Variants in PIAS2 observed in about 807,000 individuals in gnomAD.
PIAS2 encodes the protein E3 SUMO-protein ligase PIAS2.
In PIAS2, 19 loss-of-function variants were observed where a neutral mutation model predicts 69.7. That is an observed-to-expected ratio of 0.27 (90% CI 0.19 to 0.40). The LOEUF is 0.40. Ranked by LOEUF, PIAS2 falls within the 10% of genes least tolerant of loss-of-function variation. The pLI, the probability that PIAS2 is intolerant of heterozygous loss-of-function variation, is 1.00. For synonymous variants in PIAS2, 261 were observed against 263.2 expected, an observed-to-expected ratio of 0.99 and a Z score of 0.08; for missense variants, 624 against 757.0, an observed-to-expected ratio of 0.82 and a Z score of 2.06.
At chr18:46,833,266 T>C (rs1351342262) in intron 9 of PIAS2, among the ~76,000 whole-genome samples, 3 of 152,192 alleles carry the variant, frequency 2.0e-5, no homozygotes, top group Non-Finnish European at 4.4e-5. Context: ...ACAAGTATGT[T>C]GAGTAAAAGA....
chr18:46,860,546 A>AT (rs1273847753), intron 3 of PIAS2, among the ~76,000 whole-genome samples: 1 of 152,196 alleles, frequency 6.6e-6, no homozygotes, highest in Non-Finnish European at 1.5e-5. Context: ...GAGGTATATC[A>AT]AAAGGGCATA....
intron 11 of PIAS2, chr18:46,827,646 C>T (rs2043010580): frequency 4.6e-6 from 1 of 217,148 alleles, no homozygotes; most frequent in Non-Finnish European, 9.2e-6. Flanking sequence ...CAGTTCCACA[C>T]TCCATTACAC....
intron 8 of PIAS2, among the ~76,000 whole-genome samples, chr18:46,841,090 A>G (rs1267021965): frequency 6.6e-6 from 1 of 151,928 alleles, no homozygotes. Flanking sequence ...ACTGAAAATC[A>G]CTAGCTGAAA....
intron 1 of PIAS2, among the ~76,000 whole-genome samples, chr18:46,894,107 C>G (rs1037944357): frequency 3.9e-5 from 6 of 152,148 alleles, no homozygotes; most frequent in Non-Finnish European, 5.9e-5. Context: ...ACCTGGGCGA[C>G]AGAGTGAGAC....
intron 9 of PIAS2, among the ~76,000 whole-genome samples, chr18:46,830,993 A>C (rs1247912219): frequency 3.3e-5 from 5 of 152,190 alleles, no homozygotes; most frequent in African/African-American, 7.2e-5. Context: ...TCATTCCCAC[A>C]ATACAAGATT....
At chr18:46,867,414 A>G (rs922700617) in intron 2 of PIAS2, among the ~76,000 whole-genome samples, 2 of 152,256 alleles carry the variant, frequency 1.3e-5, no homozygotes, top group South Asian at 2.1e-4. Flanking sequence ...AGCCAAAAGC[A>G]TACCAAACTT....
chr18:46,899,998 A>C (rs985512359), intron 1 of PIAS2, among the ~76,000 whole-genome samples: 1 of 152,184 alleles, frequency 6.6e-6, no homozygotes, highest in African/African-American at 2.4e-5. Context: ...TGGGAGGCCA[A>C]GTGGGCAGAT....
intron 11 of PIAS2, chr18:46,827,258 A>AACCTCTCTG (rs1224492969): frequency 6.6e-6 from 1 of 152,130 alleles, no homozygotes; most frequent in Non-Finnish European, 1.5e-5. Context: ...TATGGTTCAA[A>AACCTCTCTG]ACCTCTCTGA....
upstream of PIAS2, chr18:46,920,028 AAAAG>A: frequency 7.8e-7 from 1 of 1,284,230 alleles, no homozygotes; most frequent in African/African-American, 1.5e-5. Context: ...AAACAGTAAG[AAAAG>A]AAAAGCAAAG....
chr18:46,876,559 T>C (rs1456232839), intron 2 of PIAS2, among the ~76,000 whole-genome samples: 1 of 152,198 alleles, frequency 6.6e-6, no homozygotes, highest in African/African-American at 2.4e-5. Flanking sequence ...GTTTGTGTCA[T>C]CATTGGAACT....
chr18:46,856,642 C>T (rs2047883988), intron 3 of PIAS2, among the ~76,000 whole-genome samples: 1 of 152,176 alleles, frequency 6.6e-6, no homozygotes, highest in African/African-American at 2.4e-5. Context: ...TCTCAGGCCC[C>T]ATCCTAGACC....
At chr18:46,836,253 A>G in intron 9 of PIAS2, 104 bp downstream of exon 9, 4 of 817,154 alleles carry the variant, frequency 4.9e-6, no homozygotes, top group Non-Finnish European at 8.1e-6. Context: ...TTTATGCTAG[A>G]GTAGAATTTA....
At chr18:46,894,003 G>A (rs990020924) in intron 1 of PIAS2, among the ~76,000 whole-genome samples, 3 of 152,114 alleles carry the variant, frequency 2.0e-5, no homozygotes, top group African/African-American at 7.2e-5. Flanking sequence ...GTACACACCT[G>A]TAGTCCCTGC....
At chr18:46,831,091 G>A (rs1009000440) in intron 9 of PIAS2, among the ~76,000 whole-genome samples, 2 of 152,104 alleles carry the variant, frequency 1.3e-5, no homozygotes, top group African/African-American at 4.8e-5. Flanking sequence ...AGGCATCCAC[G>A]TTAGAAAGAA....
chr18:46,854,298 G>T (rs1453586984), intron 5 of PIAS2, among the ~76,000 whole-genome samples: 1 of 152,166 alleles, frequency 6.6e-6, no homozygotes, highest in Admixed American at 6.5e-5. Flanking sequence ...GCCCAGTCTC[G>T]TGTTCAGCAG....
chr18:46,908,312 T>A (rs1012790523), intron 1 of PIAS2, among the ~76,000 whole-genome samples: 1 of 152,150 alleles, frequency 6.6e-6, no homozygotes, highest in Non-Finnish European at 1.5e-5. Context: ...TCATCTTGTT[T>A]TAGTTACTGT....
chr18:46,877,134 A>G (rs1473940515), intron 2 of PIAS2, among the ~76,000 whole-genome samples: 1 of 152,226 alleles, frequency 6.6e-6, no homozygotes, highest in African/African-American at 2.4e-5. Flanking sequence ...CCAGAAGCCT[A>G]GCACAAAGGC....
At chr18:46,849,319 T>C (rs949090572) in intron 5 of PIAS2, among the ~76,000 whole-genome samples, 1 of 152,354 alleles carries the variant, frequency 6.6e-6, no homozygotes, top group Middle Eastern at 3.4e-3. Flanking sequence ...ACTTGTATTC[T>C]ACCTGTAACC....
chr18:46,868,187 T>C (rs757006870), intron 2 of PIAS2, among the ~76,000 whole-genome samples: 29 of 152,210 alleles, frequency 1.9e-4, no homozygotes, highest in Non-Finnish European at 3.8e-4. Flanking sequence ...AAGGAATCCA[T>C]GAGCATGTCA....
Sources: allele counts gnomAD v4.1 joint callset (sites outside exome capture counted in the v4.1 genomes callset), GRCh38; gene constraint gnomAD v4.1.1; transcripts MANE v1.5; gene names NCBI Gene and HGNC (gene_info 2026-07-23, HGNC 2026-07-21).